The following GHR variants were observed in gnomAD, a reference collection of about 807,000 sequenced individuals.
The protein encoded by GHR is growth hormone receptor.
Under a neutral mutation model 67.1 loss-of-function variants are expected in GHR, and 35 were observed. That is an observed-to-expected ratio of 0.52 (90% CI 0.40 to 0.69). The LOEUF (loss-of-function observed/expected upper bound fraction) is 0.69. Ranked by LOEUF, GHR falls within the 30% of genes least tolerant of loss-of-function variation. The probability of loss-of-function intolerance (pLI) is 0.00; values close to 1 mark genes in which losing one functional copy is unlikely to be tolerated. For synonymous variants in GHR, 272 were observed against 269.1 expected (o/e 1.01, Z -0.10); for missense variants, 792 against 764.6 (o/e 1.04, Z -0.42).
At chr5:42,625,083 C>T (rs1241956295) in intron 2 of GHR, among the ~76,000 whole-genome samples, 1 of 152,016 alleles carries the variant, frequency 6.6e-6, no homozygotes, top group African/African-American at 2.4e-5. Flanking sequence ...GAAACACTTT[C>T]ACAGCTGAAA....
At chr5:42,698,717 T>C (rs1046740310) in intron 5 of GHR, among the ~76,000 whole-genome samples, 2 of 152,140 alleles carry the variant, frequency 1.3e-5, no homozygotes, top group African/African-American at 4.8e-5. Flanking sequence ...TTATCTCCAG[T>C]CAACGCTAGG....
At chr5:42,437,271 A>G (rs1743366029) in intron 1 of GHR, among the ~76,000 whole-genome samples, 1 of 152,194 alleles carries the variant, frequency 6.6e-6, no homozygotes, top group Non-Finnish European at 1.5e-5. Flanking sequence ...CTTTGCTTAT[A>G]TGGCTACATA....
chr5:42,426,847 G>A (rs1459016883), intron 1 of GHR, among the ~76,000 whole-genome samples: 7 of 152,248 alleles, frequency 4.6e-5, no homozygotes, highest in South Asian at 2.1e-4. Flanking sequence ...TACTTTAGAG[G>A]TAATTATCTG....
intron 1 of GHR, among the ~76,000 whole-genome samples, chr5:42,552,901 T>C (rs1749111130): frequency 6.6e-6 from 1 of 152,168 alleles, no homozygotes; most frequent in South Asian, 2.1e-4. Flanking sequence ...AAGCTGTAAA[T>C]TATTTACTAG....
rs549479789 is a variant in GHR at position 42,714,557 on chromosome 5, T to A, written c.875+1038T>A. 3.9e-5 allele frequency among the ~76,000 whole-genome samples: 6 copies of A among 152,306 alleles called. No homozygotes were observed. In the South Asian group the frequency reaches 1.2e-3, roughly 32 times the overall value. ...ATTGGGACGCTAGATTTCTATAGTG[T>A]CAAGCATGCTAAAAGTCTAACTGAA... On this transcript the variant is annotated intron_variant, in intron 8 of 9. Transcript: ENST00000230882.
chr5:42,590,375 A>T (rs1751710021), intron 2 of GHR, among the ~76,000 whole-genome samples: 1 of 151,766 alleles, frequency 6.6e-6, no homozygotes, highest in Admixed American at 6.6e-5. Flanking sequence ...TCTGCTGGGG[A>T]AATTTTTTTA....
intron 1 of GHR, among the ~76,000 whole-genome samples, chr5:42,506,143 A>G (rs1229901282): frequency 1.3e-5 from 2 of 152,232 alleles, no homozygotes; most frequent in Non-Finnish European, 2.9e-5. Flanking sequence ...AGTGAGACAG[A>G]TAACCTTGTC....
rs13357532 is a variant in GHR at position 42,467,620 on chromosome 5, C to T, written c.-12+43665C>T. On this transcript the variant is annotated intron_variant, in intron 1 of 9. Coordinates refer to ENST00000230882, the MANE Select transcript of GHR (RefSeq NM_000163.5). ...TGAACTCTGATTGAAGGCTTTCCCA[C>T]ATTTTGAGCAAACATAAGGTTTCTG... 108 of 1,606,358 alleles carry T rather than the reference C, an allele frequency of 6.7e-5. No homozygotes were observed. In the African/African-American group the frequency reaches 1.3e-3, roughly 20 times the overall value.
At position 42,448,185 on chromosome 5, in the gene GHR, G is replaced by A. The variant is rs550252827; in HGVS notation, c.-12+24230G>A. 1.2e-3 allele frequency among the ~76,000 whole-genome samples: 189 copies of A among 152,124 alleles called. 1 individual carries two copies. Among genetic ancestry groups the A allele is most frequent in the African/African-American group, 4.3e-3 (179 of 41,476 alleles). On this transcript the variant is annotated intron_variant, in intron 1 of 9. Transcript: ENST00000230882. ...GAATCTCCCTACTGTTTTCCATAGCGGCTGTACTAGTTTACATTCCCACCA... is the reference window on the plus strand; with the variant it reads ...GAATCTCCCTACTGTTTTCCATAGCAGCTGTACTAGTTTACATTCCCACCA...
At chr5:42,677,418 T>C (rs1399452132) in intron 3 of GHR, among the ~76,000 whole-genome samples, 4 of 152,202 alleles carry the variant, frequency 2.6e-5, no homozygotes, top group Non-Finnish European at 4.4e-5. Flanking sequence ...CTCTTTTCAT[T>C]GTTTCTCAGG....
chr5:42,667,474 G>T (rs1269738569), intron 3 of GHR, among the ~76,000 whole-genome samples: 2 of 152,094 alleles, frequency 1.3e-5, no homozygotes, highest in Non-Finnish European at 2.9e-5. Context: ...TCTAATAAGT[G>T]GTCCCCAATG....
At position 42,560,721 on chromosome 5, in the gene GHR, A is replaced by C. The variant is rs1044334700; in HGVS notation, c.-11-5143A>C. On this transcript the variant is annotated intron_variant, in intron 1 of 9. Coordinates refer to ENST00000230882, the MANE Select transcript of GHR (RefSeq NM_000163.5). ...AATTGCCTTAAAACACCAAGTATCC[A>C]AAGCAGTCCTATGACCTTCTCCTCC... 2.0e-5 allele frequency among the ~76,000 whole-genome samples: 3 copies of C among 152,306 alleles called. No homozygotes were observed. The South Asian group carries it at 6.2e-4, about 32-fold the overall frequency.
chr5:42,424,620 C>G lies in GHR; in HGVS notation c.-12+665C>G. 6.5e-7 allele frequency: 1 copy of G among 1,530,758 alleles called. No individual in the cohort carries two copies. Among genetic ancestry groups the G allele is most frequent in the Non-Finnish European group, 8.8e-7 (1 of 1,142,498 alleles). 94.8% of individuals were successfully genotyped at this position (1,530,758 alleles called of 1,614,324 possible). On this transcript the variant is annotated intron_variant, in intron 1 of 9. Transcript: ENST00000230882. The surrounding 1 kb of genome is among the most constrained non-coding windows in gnomAD (Gnocchi z 4.1). ...TGGGGTAAGTGGAAATTGTGGCGAG[C>G]CGACCTCCCCCAGCTTTTGACACAC...
Position 42,543,105 on chromosome 5 carries a change from G to A in GHR, c.-11-22759G>A, listed in dbSNP as rs117783375. Among the ~76,000 whole-genome samples, 21 of 152,162 alleles carry A rather than the reference G, an allele frequency of 1.4e-4. No individual in the cohort carries two copies. The East Asian group carries it at 3.7e-3, about 27-fold the overall frequency. Reference sequence around the variant, plus strand: ...GTGCTGTGATAAACATACATGAGCAGGTATCTTTTTGATATAATGACTTAT... The same window carrying A: ...GTGCTGTGATAAACATACATGAGCAAGTATCTTTTTGATATAATGACTTAT... On this transcript the variant is annotated intron_variant, in intron 1 of 9. Coordinates refer to ENST00000230882, the MANE Select transcript of GHR (RefSeq NM_000163.5).
At chr5:42,470,925 T>C (rs1744985622) in intron 1 of GHR, among the ~76,000 whole-genome samples, 1 of 152,194 alleles carries the variant, frequency 6.6e-6, no homozygotes. Flanking sequence ...TTTATTCCTT[T>C]ATAGCTTTTG....
intron 2 of GHR, among the ~76,000 whole-genome samples, chr5:42,596,051 T>G (rs758328250): frequency 6.6e-6 from 1 of 152,192 alleles, no homozygotes; most frequent in Non-Finnish European, 1.5e-5. Flanking sequence ...AGGAGAAAGT[T>G]CTGGTGCTAC....
chr5:42,501,991 G>A (rs1465589674), intron 1 of GHR, among the ~76,000 whole-genome samples: 2 of 152,122 alleles, frequency 1.3e-5, no homozygotes, highest in Non-Finnish European at 2.9e-5. Context: ...TCATCATCCA[G>A]CCCATTCATA....
At chr5:42,696,803 T>C (rs1262270363) in intron 5 of GHR, among the ~76,000 whole-genome samples, 1 of 152,186 alleles carries the variant, frequency 6.6e-6, no homozygotes, top group Non-Finnish European at 1.5e-5. Context: ...AAAAACCATC[T>C]TTTGCAATCA....
intron 1 of GHR, among the ~76,000 whole-genome samples, chr5:42,554,874 C>CAGTT (rs775923287): frequency 3.9e-5 from 6 of 152,078 alleles, no homozygotes; most frequent in Non-Finnish European, 8.8e-5. Context: ...TTTTTTAATG[C>CAGTT]AGTTGCTAGA....
Sources: gnomAD v4.1 joint callset for allele counts (sites outside exome capture counted in the v4.1 genomes callset) on GRCh38, gnomAD v4.1.1 for gene constraint, Gnocchi (gnomAD v3.1) non-coding constraint, MANE v1.5 for transcripts, NCBI Gene and HGNC (gene_info 2026-07-23, HGNC 2026-07-21) for gene names.